Variants in ECT2L observed in about 807,000 individuals in gnomAD.
The protein encoded by ECT2L is epithelial cell-transforming sequence 2 oncogene-like.
Under a neutral mutation model 122.8 loss-of-function variants are expected in ECT2L, and 126 were observed. The ratio of observed to expected loss-of-function variants is 1.03; its 90% CI spans 0.89 to 1.19. The LOEUF (loss-of-function observed/expected upper bound fraction) is 1.19, where lower values mean the gene tolerates loss of function less well. Ranked by LOEUF, ECT2L falls within the 50% of genes most tolerant of loss-of-function variation. The pLI, the probability that ECT2L is intolerant of heterozygous loss-of-function variation, is 0.00. For missense variants in ECT2L, 1,012 were observed against 1,064.1 expected (o/e 0.95, Z 0.68); for synonymous variants, 385 against 381.8 (o/e 1.01, Z -0.10).
At position 138,902,535 on chromosome 6, in the gene ECT2L, T is replaced by C. The variant is rs200547799; in HGVS notation, c.2623T>C (p.Tyr875His). Reference sequence around the variant, plus strand: ...TGCATTTATTCTTCAGGGTCCAAAATATAAATGGATTTGTGCTACAGAAAT... The same window carrying C: ...TGCATTTATTCTTCAGGGTCCAAAACATAAATGGATTTGTGCTACAGAAAT... Reference protein sequence around the residue: ...KNAFILQGPKYKWICATEIED... With the variant: ...KNAFILQGPKHKWICATEIED... The change falls in exon 22 of 22, where the codon TAT becomes CAT. Residue 875 changes from tyrosine (Y) to histidine (H), a missense_variant. Transcript: ENST00000541398. 11 of 1,613,568 alleles carry C rather than the reference T, an allele frequency of 6.8e-6. No homozygotes were observed. Among genetic ancestry groups the C allele is most frequent in the Non-Finnish European group, 8.5e-6 (10 of 1,179,738 alleles).
At chr6:138,810,859 G>T (rs9399256) in intron 1 of ECT2L, among the ~76,000 whole-genome samples, 1 of 151,976 alleles carries the variant, frequency 6.6e-6, no homozygotes, top group Non-Finnish European at 1.5e-5. Context: ...CTTGTGAATC[G>T]TTTTTAGCTC....
At chr6:138,825,348 G>A (rs566347752) in intron 4 of ECT2L, among the ~76,000 whole-genome samples, 3 of 152,324 alleles carry the variant, frequency 2.0e-5, no homozygotes, top group South Asian at 2.1e-4. Flanking sequence ...GGGAGGCTGA[G>A]GCGGGTGGAT....
intron 1 of ECT2L, among the ~76,000 whole-genome samples, chr6:138,806,967 T>C (rs1221999233): frequency 6.6e-6 from 1 of 152,094 alleles, no homozygotes; most frequent in Non-Finnish European, 1.5e-5. Context: ...AAAAATGTTA[T>C]TAAGAAAATC....
intron 4 of ECT2L, among the ~76,000 whole-genome samples, chr6:138,837,161 A>G (rs1205826402): frequency 1.3e-5 from 2 of 152,208 alleles, no homozygotes; most frequent in African/African-American, 2.4e-5. Flanking sequence ...ATTTTAAAAC[A>G]TGAGATTTTA....
intron 5 of ECT2L, among the ~76,000 whole-genome samples, chr6:138,839,115 G>T (rs2128387412): frequency 6.6e-6 from 1 of 152,210 alleles, no homozygotes; most frequent in South Asian, 2.1e-4. Context: ...AATGATTTAT[G>T]CTTTAGATTT....
chr6:138,901,215 T>C (rs1343653208), intron 21 of ECT2L, 95 bp downstream of exon 21: 4 of 1,294,320 alleles, frequency 3.1e-6, no homozygotes, highest in Non-Finnish European at 3.2e-6. Flanking sequence ...ACTGGAATTA[T>C]AATTTACCAG....
intron 1 of ECT2L, among the ~76,000 whole-genome samples, chr6:138,799,000 CA>C (rs1562446016): frequency 6.6e-6 from 1 of 152,168 alleles, no homozygotes; most frequent in African/African-American, 2.4e-5. Context: ...TACATCACTT[CA>C]TTTTTTTGTG....
At chr6:138,820,579 A>G (rs17067936) in intron 4 of ECT2L, among the ~76,000 whole-genome samples, 21,887 of 152,060 alleles carry the variant, frequency 0.14, 2,416 homozygotes, top group African/African-American at 0.28. Context: ...GGTCCATAAC[A>G]GTCCATTTAT....
chr6:138,897,524 C>T (rs1323772837), intron 20 of ECT2L, among the ~76,000 whole-genome samples: 2 of 152,126 alleles, frequency 1.3e-5, no homozygotes, highest in Non-Finnish European at 2.9e-5. Context: ...ATGACTGTAT[C>T]TGCTTTTGCG....
At chr6:138,898,379 C>G (rs1208151284) in intron 20 of ECT2L, among the ~76,000 whole-genome samples, 1 of 152,196 alleles carries the variant, frequency 6.6e-6, no homozygotes, top group Non-Finnish European at 1.5e-5. Context: ...GGCTGGGTGA[C>G]CACTATGTTT....
At chr6:138,845,724 A>T (rs999884455) in intron 7 of ECT2L, among the ~76,000 whole-genome samples, 1 of 152,218 alleles carries the variant, frequency 6.6e-6, no homozygotes, top group Non-Finnish European at 1.5e-5. Context: ...ATCTCTGTGT[A>T]TCTGAACATT....
At chr6:138,847,114 A>G (rs1162996254) in intron 8 of ECT2L, among the ~76,000 whole-genome samples, 5 of 151,262 alleles carry the variant, frequency 3.3e-5, no homozygotes, top group Admixed American at 2.6e-4. Flanking sequence ...CTAAAAGTAG[A>G]AAAAAAATAG....
At chr6:138,819,263 C>A (rs895735712) in intron 4 of ECT2L, among the ~76,000 whole-genome samples, 1 of 148,368 alleles carries the variant, frequency 6.7e-6, no homozygotes, top group Non-Finnish European at 1.5e-5. Context: ...GAAATCATTG[C>A]GTTTTAAAAG....
rs34453938 is a variant in ECT2L at position 138,850,994 on chromosome 6, C to CAAAAAAAAA, written c.1069+1581_1069+1589dup. On this transcript the variant is annotated intron_variant, in intron 9 of 21. Transcript: ENST00000541398. ...GGGCAATAAGAGCGAAACTCCATCT[C>CAAAAAAAAA]AAAAAAAAAAAAAAAAAAAAAAAAA... Among the ~76,000 whole-genome samples the CAAAAAAAAA allele has an allele frequency of 8.3e-4, 48 of 57,778 alleles. 1 individual carries two copies. Among genetic ancestry groups the CAAAAAAAAA allele is most frequent in the African/African-American group, 9.6e-4 (15 of 15,606 alleles). 37.9% of individuals were successfully genotyped at this position (57,778 alleles called of 152,430 possible). A position where few individuals can be genotyped will look rare whatever the true frequency, so the allele number is the denominator to read the frequency against.
At chr6:138,805,977 T>C (rs549886894) in intron 1 of ECT2L, among the ~76,000 whole-genome samples, 5 of 152,260 alleles carry the variant, frequency 3.3e-5, no homozygotes, top group African/African-American at 1.2e-4. Flanking sequence ...ATATACTGTG[T>C]CCCTCCCTCT....
At chr6:138,862,810 T>C (rs1582629164) in intron 11 of ECT2L, 91 bp downstream of exon 11, 2 of 1,025,050 alleles carry the variant, frequency 2.0e-6, no homozygotes, top group Admixed American at 1.9e-5. Flanking sequence ...AGTACTGGTA[T>C]GGCTGATATC....
At chr6:138,858,182 G>T (rs537402442) in intron 10 of ECT2L, among the ~76,000 whole-genome samples, 1 of 152,188 alleles carries the variant, frequency 6.6e-6, no homozygotes, top group Non-Finnish European at 1.5e-5. Flanking sequence ...ATATGCTGAG[G>T]ACCCCAAATT....
rs1777152701 is a variant in ECT2L at position 138,844,500 on chromosome 6, G to A, written c.684G>A (p.Gln228=). Residue 228 remains glutamine, a synonymous_variant, in exon 7 of 22, where the codon CAG becomes CAA. Coordinates refer to ENST00000541398, the MANE Select transcript of ECT2L (RefSeq NM_001077706.3). The stretch of plus-strand genomic sequence containing the variant: ...CCAGATGCCAACCACGCCTCTCCCA[G>A]ACTGTAAGGGAGCGAGTGGGATTAC... ...LKPRCQPRLS[Q]TVRERVGLHE... 2 of 1,614,144 alleles carry A rather than the reference G, an allele frequency of 1.2e-6. No homozygotes were observed. Among genetic ancestry groups the A allele is most frequent in the Non-Finnish European group, 1.7e-6 (2 of 1,180,018 alleles).
At position 138,852,890 on chromosome 6, in the gene ECT2L, A is replaced by T. The variant is rs946633327; in HGVS notation, c.1070-1136A>T. Among the ~76,000 whole-genome samples the T allele has an allele frequency of 3.3e-5, 5 of 152,270 alleles. No individual in the cohort carries two copies. In the South Asian group the frequency reaches 1.0e-3, roughly 32 times the overall value. ...TGTCCTGTTAGAGTTTCTTGATCTC[A>T]GCCTTTTTGTTCTCCAGGTAAGAAA... is the stretch of plus-strand genomic sequence containing the variant. On this transcript the variant is annotated intron_variant, in intron 9 of 21. Coordinates refer to ENST00000541398, the MANE Select transcript of ECT2L (RefSeq NM_001077706.3).
Sources: allele counts gnomAD v4.1 joint callset (sites outside exome capture counted in the v4.1 genomes callset), GRCh38; gene constraint gnomAD v4.1.1; transcripts MANE v1.5; gene names NCBI Gene and HGNC (gene_info 2026-07-23, HGNC 2026-07-21).